KIF21B: variants seen among roughly 807,000 people sequenced by gnomAD.
KIF21B encodes kinesin family member 21B.
A neutral mutation model predicts 192.9 loss-of-function variants in KIF21B; 85 were observed. The ratio of observed to expected loss-of-function variants is 0.44; its 90% CI spans 0.37 to 0.53. The LOEUF is 0.53. Ranked by LOEUF, KIF21B falls within the 20% of genes least tolerant of loss-of-function variation. KIF21B has a pLI of 0.00. For synonymous variants in KIF21B, 832 were observed against 884.6 expected, an observed-to-expected ratio of 0.94 and a Z score of 1.05; for missense variants, 1,716 against 2,194.8, an observed-to-expected ratio of 0.78 and a Z score of 4.36.
chr1:200,999,566 G>A lies in KIF21B; in HGVS notation c.1768-100C>T, dbSNP rs1237301480. On this transcript the variant is annotated intron_variant, in intron 12 of 34. Coordinates refer to ENST00000461742, the MANE Select transcript of KIF21B (RefSeq NM_001252102.2). The surrounding 1 kb of genome is among the most constrained non-coding windows in gnomAD (Gnocchi z 4.7). ...AATGCCTCAGGTGTGTCAGGAGGGT[G>A]GGGATTGGGGCAGGCCACAGCTGAG... 5.2e-6 allele frequency: 8 copies of A among 1,551,198 alleles called. No individual in the cohort carries two copies. Among genetic ancestry groups the A allele is most frequent in the Admixed American group, 1.8e-5 (1 of 55,488 alleles).
chr1:200,986,947 G>C (rs747624775), intron 25 of KIF21B, 29 bp from the exon 26 acceptor site: 6 of 1,612,460 alleles, frequency 3.7e-6, no homozygotes, highest in Middle Eastern at 1.6e-4. Flanking sequence ...GTGAGGCCCA[G>C]ACCCAACTCC....
Position 200,999,950 on chromosome 1 carries a change from G to C in KIF21B, c.1700C>G (p.Ala567Gly). Residue 567 changes from alanine to glycine, a missense_variant, in exon 12 of 35, where the codon GCC becomes GGC. Ala to Gly is a moderately conservative substitution (Grantham distance 60). Around this residue, in one of 3 missense-constraint regions of KIF21B, gnomAD observed 1,087 missense variants for 1,316.6 expected, o/e 0.83. Transcript: ENST00000461742. The surrounding 1 kb of genome is among the most constrained non-coding windows in gnomAD (Gnocchi z 4.7). ...TTGGAGTTTTGCCCTCTTTTTGAAGGCTTCCTTCTCGGGGCTGCTCAGGGA... is the reference window on the plus strand; with the variant it reads ...TTGGAGTTTTGCCCTCTTTTTGAAGCCTTCCTTCTCGGGGCTGCTCAGGGA... ...RQRRKSPEKE[A>G]FKKRAKLQQE... The C allele has an allele frequency of 1.2e-6, 2 of 1,613,792 alleles. No individual in the cohort carries two copies. Among genetic ancestry groups the C allele is most frequent in the East Asian group, 4.5e-5 (2 of 44,854 alleles).
chr1:200,973,614 G>A, intron 34 of KIF21B, 36 bp from the exon 35 acceptor site: 1 of 1,524,342 alleles, frequency 6.6e-7, no homozygotes, highest in East Asian at 2.5e-5. Context: ...GTGCCGGTCA[G>A]CTCTTGCAGT....
intron 1 of KIF21B, among the ~76,000 whole-genome samples, chr1:201,014,505 C>T (rs1396812421): frequency 1.3e-5 from 2 of 152,208 alleles, no homozygotes; most frequent in Non-Finnish European, 2.9e-5. Context: ...CAAAGGGTAC[C>T]GACTGGGCAC....
intron 5 of KIF21B, 68 bp downstream of exon 5, chr1:201,005,240 C>T: frequency 6.7e-7 from 1 of 1,496,718 alleles, no homozygotes; most frequent in Non-Finnish European, 8.9e-7. Flanking sequence ...ATCTGTGGCT[C>T]CTCATCTTGC....
rs141977419 is a variant in KIF21B at position 200,984,687 on chromosome 1, C to T, written c.3803+172G>A. On this transcript the variant is annotated intron_variant, in intron 27 of 34. Transcript: ENST00000461742. ...GGAGGAGAAGGGCCCATGGTTAGTA[C>T]AGGAAGGAGAGAAATGCCAGGAGAG... Among the ~76,000 whole-genome samples the T allele has an allele frequency of 1.9e-4, 29 of 152,308 alleles. No individual in the cohort carries two copies. The East Asian group carries it at 5.0e-3, about 26-fold the overall frequency.
chr1:201,007,811 G>C (rs928146836), intron 3 of KIF21B, among the ~76,000 whole-genome samples: 2 of 150,584 alleles, frequency 1.3e-5, no homozygotes, highest in Non-Finnish European at 3.0e-5. Flanking sequence ...CACACACATA[G>C]ACACACAAGA....
At chr1:200,986,131 G>A (rs530762307) in intron 26 of KIF21B, among the ~76,000 whole-genome samples, 19 of 151,758 alleles carry the variant, frequency 1.3e-4, no homozygotes, top group Admixed American at 3.3e-4. Flanking sequence ...ACTGGCGCCC[G>A]GCCTTTCCTT....
At chr1:201,021,059 A>G (rs1658794254) in intron 1 of KIF21B, among the ~76,000 whole-genome samples, 1 of 152,216 alleles carries the variant, frequency 6.6e-6, no homozygotes, top group African/African-American at 2.4e-5. Flanking sequence ...TAAATGGTCT[A>G]CTGTAGTGCA....
intron 1 of KIF21B, among the ~76,000 whole-genome samples, chr1:201,013,355 C>T (rs1469590083): frequency 6.6e-6 from 1 of 152,162 alleles, no homozygotes; most frequent in Non-Finnish European, 1.5e-5. Flanking sequence ...TTCTCCCGGC[C>T]CCACCCTTGG....
At position 200,973,118 on chromosome 1, in the gene KIF21B, G is replaced by A. The variant is rs1294558580; in HGVS notation, c.*403C>T. The A allele has an allele frequency of 1.1e-4, 19 of 179,584 alleles. No individual in the cohort carries two copies. The East Asian group carries it at 1.5e-3, about 14-fold the overall frequency. The allele number at this position is 179,584 out of a possible 1,614,324, so 11.1% of individuals were successfully genotyped here. On this transcript the variant is annotated 3_prime_UTR_variant, in exon 35 of 35. Coordinates refer to ENST00000461742, the MANE Select transcript of KIF21B (RefSeq NM_001252102.2). ...CTCTAGAGGCTGGGCTGGGAGAAGC[G>A]GGGAGGCCAGCTCCTCGGAAGGGTG...
chr1:200,988,268 C>G (rs1656433967), intron 24 of KIF21B, 28 bp downstream of exon 24: 1 of 1,608,668 alleles, frequency 6.2e-7, no homozygotes, highest in East Asian at 2.2e-5. Flanking sequence ...CCTGCTGCAC[C>G]CACTGCCTGA....
At chr1:200,980,402 A>C (rs545855305) in intron 29 of KIF21B, among the ~76,000 whole-genome samples, 25 of 152,348 alleles carry the variant, frequency 1.6e-4, no homozygotes, top group Admixed American at 1.6e-3. Context: ...CTACAGGCAC[A>C]TGTCATTGTG....
chr1:200,986,786 T>G (rs1296462599), intron 26 of KIF21B, 58 bp downstream of exon 26: 38 of 1,428,450 alleles, frequency 2.7e-5, no homozygotes, highest in Non-Finnish European at 3.6e-5. Flanking sequence ...TAGCCACTCA[T>G]GTAACCAAGA....
chr1:200,979,388 G>T, intron 30 of KIF21B, 147 bp downstream of exon 30: 1 of 536,786 alleles, frequency 1.9e-6, no homozygotes, highest in Non-Finnish European at 3.1e-6. Context: ...GTACCCCAGG[G>T]TCAAGCCAAG....
rs1450560962 is a variant in KIF21B, at chr1:201,004,333, C to G, written c.1016+7G>C. ...TGTCCCTTCCCTGGGTGTTGGTCAC[C>G]AGATACCTGTTGCCCCCCAGCGAAT... On this transcript the variant is annotated splice_region_variant and intron_variant, in intron 7 of 34. Transcript: ENST00000461742. 2 of 1,555,628 alleles carry G rather than the reference C, an allele frequency of 1.3e-6. No individual in the cohort carries two copies. Among genetic ancestry groups the G allele is most frequent in the East Asian group, 2.4e-5 (1 of 41,826 alleles).
chr1:200,982,020 G>A lies in KIF21B; in HGVS notation c.3843-924C>T, dbSNP rs1314386522. Among the ~76,000 whole-genome samples the A allele has an allele frequency of 1.3e-5, 2 of 152,240 alleles. No individual in the cohort carries two copies. The highest frequency in any genetic ancestry group is 3.9e-4 in the East Asian group (2 of 5,176). On this transcript the variant is annotated intron_variant, in intron 28 of 34. Coordinates refer to ENST00000461742, the MANE Select transcript of KIF21B (RefSeq NM_001252102.2). The surrounding 1 kb of genome is among the most constrained non-coding windows in gnomAD (Gnocchi z 4.7). ...TGCTCCTGACAGTGACTCTGGCCAAGGGTCTACTGAAATGATCAAGGTTTT... is the reference window on the plus strand; with the variant it reads ...TGCTCCTGACAGTGACTCTGGCCAAAGGTCTACTGAAATGATCAAGGTTTT...
Position 201,005,682 on chromosome 1 carries a change from C to T in KIF21B, c.460G>A (p.Glu154Lys). The stretch of plus-strand genomic sequence containing the variant: ...GTGCTGTCAAACAGGTCAAGGATCT[C>T]CTCGTTGTAGAGCTGTGCAGGAAGG... ...SAQFLELYNE[E>K]ILDLFDSTRD... Residue 154 changes from glutamate to lysine, a missense_variant, in exon 4 of 35, where the codon GAG becomes AAG. Physicochemically the swap from Glu to Lys is moderately conservative, Grantham distance 56 (BLOSUM62 1). Coordinates refer to ENST00000461742, the MANE Select transcript of KIF21B (RefSeq NM_001252102.2). 6.2e-7 allele frequency: 1 copy of T among 1,614,050 alleles called. No individual in the cohort carries two copies. Among genetic ancestry groups the T allele is most frequent in the Non-Finnish European group, 8.5e-7 (1 of 1,180,006 alleles).
rs1655468475 is a variant in KIF21B at position 200,975,302 on chromosome 1, A to G, written c.4614+197T>C. Among the ~76,000 whole-genome samples, 1 of 152,222 alleles carries G rather than the reference A, an allele frequency of 6.6e-6. No individual in the cohort carries two copies. Among genetic ancestry groups the G allele is most frequent in the Non-Finnish European group, 1.5e-5 (1 of 68,026 alleles). ...AGGTTGCCTAAGAGGGAGATGTGGCATCAGGAGAGGCCGCGGGTAGGGAAG... is the reference window on the plus strand; with the variant it reads ...AGGTTGCCTAAGAGGGAGATGTGGCGTCAGGAGAGGCCGCGGGTAGGGAAG... On this transcript the variant is annotated intron_variant, in intron 33 of 34. Coordinates refer to ENST00000461742, the MANE Select transcript of KIF21B (RefSeq NM_001252102.2). The surrounding 1 kb of genome is among the most constrained non-coding windows in gnomAD (Gnocchi z 4.3).
Sources: allele counts gnomAD v4.1 joint callset (sites outside exome capture counted in the v4.1 genomes callset), GRCh38; gene constraint gnomAD v4.1.1; regional missense constraint gnomAD v4.1.1; non-coding constraint Gnocchi (gnomAD v3.1); transcripts MANE v1.5; gene names NCBI Gene and HGNC (gene_info 2026-07-23, HGNC 2026-07-21).